Variants in CASC3 observed in about 807,000 individuals in gnomAD.
The protein encoded by CASC3 is protein CASC3.
Under a neutral mutation model 80.5 loss-of-function variants are expected in CASC3, and 30 were observed. The ratio of observed to expected loss-of-function variants is 0.37; its 90% CI spans 0.28 to 0.51. The LOEUF (loss-of-function observed/expected upper bound fraction) is 0.51, where lower values mean the gene tolerates loss of function less well. Among genes scored for constraint, CASC3 ranks in the 20% least tolerant of loss-of-function variants. The pLI, the probability that CASC3 is intolerant of heterozygous loss-of-function variation, is 0.94. For synonymous variants in CASC3, 312 were observed against 333.6 expected (o/e 0.94, Z 0.70); for missense variants, 824 against 922.2 (o/e 0.89, Z 1.38).
intron 6 of CASC3, 34 bp downstream of exon 6, chr17:40,162,935 G>A (rs776752607): frequency 1.3e-6 from 2 of 1,599,594 alleles, no homozygotes; most frequent in Admixed American, 1.7e-5. Context: ...ACCAGGCTGG[G>A]TATGGTGGCT....
chr17:40,156,062 T>C (rs954917228), intron 3 of CASC3, among the ~76,000 whole-genome samples: 2 of 152,226 alleles, frequency 1.3e-5, no homozygotes, highest in African/African-American at 4.8e-5. Context: ...GTGATAATAC[T>C]ATTTAAAGGT....
chr17:40,162,782 G>A lies in CASC3; in HGVS notation c.666G>A (p.Lys222=), dbSNP rs1989336406. Residue 222 remains lysine (K), a synonymous_variant, in exon 6 of 14, where the codon AAG becomes AAA. Transcript: ENST00000264645. ...ATGAGGGTCGCTGGGAGCATGACAAGTTCCGGGAAGATGAGCAGGCCCCAA... is the reference window on the plus strand; with the variant it reads ...ATGAGGGTCGCTGGGAGCATGACAAATTCCGGGAAGATGAGCAGGCCCCAA... The part of the protein sequence containing the change: ...WKDEGRWEHD[K]FREDEQAPKS... 1.9e-6 allele frequency: 3 copies of A among 1,614,018 alleles called. No homozygotes were observed. The highest frequency in any genetic ancestry group is 2.2e-5 in the South Asian group (2 of 91,084).
At chr17:40,150,672 C>T (rs17678959) in intron 3 of CASC3, among the ~76,000 whole-genome samples, 2,396 of 152,032 alleles carry the variant, frequency 0.016, 31 homozygotes, top group Non-Finnish European at 0.024. Context: ...AAATTAGAGA[C>T]GAGACAGTAA....
intron 3 of CASC3, among the ~76,000 whole-genome samples, chr17:40,157,369 ATTAAT>A (rs1267079714): frequency 7.3e-6 from 1 of 136,216 alleles, no homozygotes; most frequent in African/African-American, 3.0e-5. Flanking sequence ...AAATAAATAA[ATTAAT>A]TAATTAATTA....
chr17:40,142,541 G>A (rs536095723), intron 3 of CASC3, among the ~76,000 whole-genome samples: 36 of 152,182 alleles, frequency 2.4e-4, no homozygotes, highest in Middle Eastern at 3.2e-3. Context: ...GAAGGCTGAG[G>A]CAGACGGATC....
intron 3 of CASC3, among the ~76,000 whole-genome samples, chr17:40,146,370 T>G (rs1988860256): frequency 6.6e-6 from 1 of 152,092 alleles, no homozygotes; most frequent in Admixed American, 6.6e-5. Flanking sequence ...TCAAGATAAC[T>G]TCTTGGCTAA....
chr17:40,146,850 T>G (rs957783036), intron 3 of CASC3, among the ~76,000 whole-genome samples: 2 of 152,204 alleles, frequency 1.3e-5, no homozygotes, highest in African/African-American at 2.4e-5. Flanking sequence ...CCCAAAGTGC[T>G]GGGATTACAT....
intron 3 of CASC3, among the ~76,000 whole-genome samples, chr17:40,161,113 G>GGGATTACA (rs923452329): frequency 1.1e-4 from 17 of 151,642 alleles, no homozygotes; most frequent in Non-Finnish European, 2.9e-5. Context: ...CCGAGCAGCT[G>GGGATTACA]GGATTACAGG....
intron 3 of CASC3, among the ~76,000 whole-genome samples, chr17:40,154,423 G>A (rs1205509439): frequency 2.0e-5 from 3 of 151,768 alleles, no homozygotes; most frequent in Non-Finnish European, 2.9e-5. Context: ...TAGTAGAGAC[G>A]AGGTTTTGCC....
At chr17:40,154,656 A>G (rs542656402) in intron 3 of CASC3, among the ~76,000 whole-genome samples, 16 of 150,856 alleles carry the variant, frequency 1.1e-4, no homozygotes, top group African/African-American at 3.2e-4. Flanking sequence ...CACTTTCTTT[A>G]TAGTGTTCTT....
intron 1 of CASC3, 43 bp from the exon 2 acceptor site, chr17:40,141,164 C>T (rs774332856): frequency 2.1e-5 from 33 of 1,598,934 alleles, no homozygotes; most frequent in Admixed American, 1.0e-4. Flanking sequence ...CTCCCCACCT[C>T]TGGAAATCAC....
At chr17:40,167,423 C>A in intron 8 of CASC3, 75 bp from the exon 9 acceptor site, 1 of 1,006,412 alleles carries the variant, frequency 9.9e-7, no homozygotes, top group Non-Finnish European at 1.6e-6. Flanking sequence ...TGTTTTTCAA[C>A]ACCTAAAGGA....
chr17:40,141,105 A>T, intron 1 of CASC3, 102 bp from the exon 2 acceptor site: 3 of 1,116,322 alleles, frequency 2.7e-6, no homozygotes, highest in Non-Finnish European at 2.7e-6. Flanking sequence ...TCCCTCTCCA[A>T]CCATTTTGTG....
chr17:40,144,471 A>G (rs910354123), intron 3 of CASC3, among the ~76,000 whole-genome samples: 2 of 150,722 alleles, frequency 1.3e-5, no homozygotes, highest in Non-Finnish European at 3.0e-5. Flanking sequence ...CAGCTTCCCA[A>G]GTAGCTGGGA....
intron 3 of CASC3, among the ~76,000 whole-genome samples, chr17:40,152,211 C>T (rs535533897): frequency 9.2e-5 from 14 of 152,374 alleles, no homozygotes; most frequent in Non-Finnish European, 7.3e-5. Context: ...AGTTATAGCT[C>T]ACTGCAACCT....
At chr17:40,144,788 T>C (rs1398208440) in intron 3 of CASC3, among the ~76,000 whole-genome samples, 5 of 145,430 alleles carry the variant, frequency 3.4e-5, no homozygotes, top group Non-Finnish European at 7.5e-5. Flanking sequence ...CCAGTCCTCC[T>C]GCCTTGACCT....
At position 40,141,240 on chromosome 17, in the gene CASC3, T is replaced by C; in HGVS notation, c.259+6T>C. On this transcript the variant is annotated splice_donor_region_variant and intron_variant, in intron 2 of 13. Coordinates refer to ENST00000264645, the MANE Select transcript of CASC3 (RefSeq NM_007359.5). ...AGATGGCATTGAAGGTGATGGTGAG[T>C]AGCATCTTTTACCCCATTAGGACAA... The C allele has an allele frequency of 6.2e-7, 1 of 1,612,706 alleles. No individual in the cohort carries two copies. The highest frequency in any genetic ancestry group is 8.5e-7 in the Non-Finnish European group (1 of 1,178,744).
Position 40,164,235 on chromosome 17 carries a change from C to G in CASC3, c.1471+69C>G, listed in dbSNP as rs899480433. 4 of 1,223,388 alleles carry G rather than the reference C, an allele frequency of 3.3e-6. No homozygotes were observed. In the African/African-American group the frequency reaches 6.1e-5, roughly 19 times the overall value. The allele number at this position is 1,223,388 out of a possible 1,614,324, so 75.8% of individuals were successfully genotyped here. The stretch of plus-strand genomic sequence containing the variant: ...CATCAGGTTTAGGGGCATGGGACTT[C>G]TGTCTCAGGAAGGTGGTGTCTGACA... On this transcript the variant is annotated intron_variant, in intron 7 of 13. Transcript: ENST00000264645.
intron 7 of CASC3, among the ~76,000 whole-genome samples, chr17:40,165,751 G>GT (rs981837728): frequency 1.7e-3 from 232 of 136,638 alleles, no homozygotes; most frequent in Admixed American, 3.1e-3. Context: ...CATAGATATA[G>GT]TTTTTTTTTT....
Sources: gnomAD v4.1 joint callset for allele counts (sites outside exome capture counted in the v4.1 genomes callset) on GRCh38, gnomAD v4.1.1 for gene constraint, MANE v1.5 for transcripts, NCBI Gene and HGNC (gene_info 2026-07-23, HGNC 2026-07-21) for gene names.